Variants in GAS2 observed in about 807,000 individuals in gnomAD.
The protein encoded by GAS2 is growth arrest-specific protein 2.
A neutral mutation model predicts 37.5 loss-of-function variants in GAS2; 20 were observed. The ratio of observed to expected loss-of-function variants is 0.53; its 90% CI spans 0.37 to 0.77. The LOEUF (loss-of-function observed/expected upper bound fraction) is 0.77. Ranked by LOEUF, GAS2 falls within the 30% of genes least tolerant of loss-of-function variation. The pLI is 0.00. For missense variants in GAS2, 336 were observed against 373.4 expected, an observed-to-expected ratio of 0.90 and a Z score of 0.82; for synonymous variants, 144 against 132.2, an observed-to-expected ratio of 1.09 and a Z score of -0.61.
intron 7 of GAS2, among the ~76,000 whole-genome samples, chr11:22,775,692 G>A (rs10734322): frequency 0.94 from 142,372 of 152,098 alleles, 67,218 homozygotes; most frequent in East Asian, 1. Flanking sequence ...AAAAACCTCC[G>A]GGTAATATCA....
At chr11:22,752,867 T>C (rs918346945) in intron 6 of GAS2, among the ~76,000 whole-genome samples, 25 of 152,086 alleles carry the variant, frequency 1.6e-4, no homozygotes, top group African/African-American at 5.6e-4. Context: ...TGACCCTTTA[T>C]GTGGAAAATA....
At chr11:22,670,659 G>A (rs1289782520) in intron 1 of GAS2, among the ~76,000 whole-genome samples, 1 of 152,002 alleles carries the variant, frequency 6.6e-6, no homozygotes, top group Non-Finnish European at 1.5e-5. Context: ...CCAAGCATTG[G>A]CACAAATATT....
At chr11:22,718,915 A>G (rs1373012626) in intron 3 of GAS2, among the ~76,000 whole-genome samples, 1 of 152,086 alleles carries the variant, frequency 6.6e-6, no homozygotes, top group Non-Finnish European at 1.5e-5. Flanking sequence ...CACAGTATAT[A>G]AAAATGGAAG....
intron 1 of GAS2, among the ~76,000 whole-genome samples, chr11:22,660,134 C>G (rs763669643): frequency 6.6e-6 from 1 of 151,926 alleles, no homozygotes; most frequent in Non-Finnish European, 1.5e-5. Context: ...AATGAGCTCC[C>G]GGAAAGCAGG....
intron 7 of GAS2, among the ~76,000 whole-genome samples, chr11:22,785,783 A>G (rs1414575686): frequency 2.6e-5 from 4 of 152,150 alleles, no homozygotes; most frequent in East Asian, 1.9e-4. Flanking sequence ...CTTCAGGATT[A>G]TAAGTCTATA....
rs189258170 is a variant in GAS2, at chr11:22,672,908, C to T, written c.-20-1942C>T. 1.2e-4 allele frequency among the ~76,000 whole-genome samples: 18 copies of T among 151,814 alleles called. No individual in the cohort carries two copies. The East Asian group carries it at 2.7e-3, about 23-fold the overall frequency. On this transcript the variant is annotated intron_variant, in intron 1 of 7. Transcript: ENST00000454584. Reference sequence around the variant, plus strand: ...CTTTAGGACTTTATATGGATAACATCATTATTAACTATGAAATAATAAAAA... The same window carrying T: ...CTTTAGGACTTTATATGGATAACATTATTATTAACTATGAAATAATAAAAA...
At position 22,726,351 on chromosome 11, in the gene GAS2, C is replaced by T. The variant is rs771841925; in HGVS notation, c.327C>T (p.Ala109=). Residue 109 remains alanine, a synonymous_variant, in exon 4 of 8, where the codon GCC becomes GCT. Coordinates refer to ENST00000454584, the MANE Select transcript of GAS2 (RefSeq NM_001143830.3). The stretch of plus-strand genomic sequence containing the variant: ...GTGCACCCTCGGGCTCCTTTTTTGC[C>T]AGAGACAATACAGCAAATTTCTTAT... ...KTSAPSGSFF[A]RDNTANFLSW... is the part of the protein sequence containing the mutation. 6.8e-6 allele frequency: 11 copies of T among 1,611,558 alleles called. No homozygotes were observed. The South Asian group carries it at 8.8e-5, about 13-fold the overall frequency.
intron 1 of GAS2, among the ~76,000 whole-genome samples, chr11:22,671,090 A>G (rs1000306836): frequency 2.6e-5 from 4 of 152,102 alleles, no homozygotes; most frequent in Admixed American, 6.5e-5. Flanking sequence ...CAAACTAGAC[A>G]GAGTCTTTAA....
At chr11:22,720,625 T>G (rs1851901648) in intron 3 of GAS2, among the ~76,000 whole-genome samples, 1 of 151,970 alleles carries the variant, frequency 6.6e-6, no homozygotes, top group African/African-American at 2.4e-5. Flanking sequence ...AGTGAGTTTA[T>G]TGCCTGCCTA....
At chr11:22,651,339 A>G (rs1848773216) in intron 1 of GAS2, among the ~76,000 whole-genome samples, 2 of 152,150 alleles carry the variant, frequency 1.3e-5, no homozygotes, top group African/African-American at 2.4e-5. Context: ...TTTCGCTCAG[A>G]CTGCCCTTAA....
chr11:22,735,636 G>T (rs554508077), intron 4 of GAS2, among the ~76,000 whole-genome samples: 4 of 151,786 alleles, frequency 2.6e-5, no homozygotes, highest in Non-Finnish European at 4.4e-5. Context: ...ATGTGAAATT[G>T]TCTTTCTTAC....
intron 3 of GAS2, among the ~76,000 whole-genome samples, chr11:22,706,102 C>A (rs1052566008): frequency 6.6e-5 from 10 of 152,122 alleles, no homozygotes; most frequent in Non-Finnish European, 1.5e-4. Context: ...TGGATGCTGG[C>A]ATTTATCTTA....
At chr11:22,792,385 G>A (rs1856209102) in intron 7 of GAS2, among the ~76,000 whole-genome samples, 2 of 152,100 alleles carry the variant, frequency 1.3e-5, no homozygotes, top group South Asian at 4.1e-4. Context: ...ACACACATAT[G>A]AAAGACTTTA....
intron 7 of GAS2, among the ~76,000 whole-genome samples, chr11:22,803,754 ATT>A (rs2134658071): frequency 6.6e-6 from 1 of 152,282 alleles, no homozygotes; most frequent in Admixed American, 6.5e-5. Flanking sequence ...CATATATGAG[ATT>A]CCAAAAATGA....
chr11:22,667,163 C>T (rs1849016223), intron 1 of GAS2: 2 of 152,274 alleles, frequency 1.3e-5, no homozygotes, highest in Non-Finnish European at 2.9e-5. Flanking sequence ...TTCCTTATCC[C>T]TATTGCGGAA....
At chr11:22,803,581 C>A (rs1318488630) in intron 7 of GAS2, among the ~76,000 whole-genome samples, 7 of 152,042 alleles carry the variant, frequency 4.6e-5, no homozygotes, top group Non-Finnish European at 1.5e-5. Context: ...GTTGTGTGAT[C>A]CTGCCTAAGT....
rs544463590 is a variant in GAS2, at chr11:22,714,346, A to G, written c.268-11946A>G. On this transcript the variant is annotated intron_variant, in intron 3 of 7. Transcript: ENST00000454584. ...ATATCACAATTCTAAATACATATGCACCTAACATGGGAGCTCCCAAATTTA... is the reference window on the plus strand; with the variant it reads ...ATATCACAATTCTAAATACATATGCGCCTAACATGGGAGCTCCCAAATTTA... 3.3e-5 allele frequency among the ~76,000 whole-genome samples: 5 copies of G among 152,296 alleles called. No homozygotes were observed. In the South Asian group the frequency reaches 1.0e-3, roughly 32 times the overall value.
chr11:22,709,712 G>A (rs972049582), intron 3 of GAS2, among the ~76,000 whole-genome samples: 1 of 152,120 alleles, frequency 6.6e-6, no homozygotes, highest in African/African-American at 2.4e-5. Flanking sequence ...ACATGCACAC[G>A]TATGTTTATC....
At chr11:22,689,946 A>C (rs760132133) in intron 3 of GAS2, among the ~76,000 whole-genome samples, 1 of 152,198 alleles carries the variant, frequency 6.6e-6, no homozygotes, top group Non-Finnish European at 1.5e-5. Flanking sequence ...AATTAATGAA[A>C]CTGTGCATAG....
Sources: allele counts gnomAD v4.1 joint callset (sites outside exome capture counted in the v4.1 genomes callset), GRCh38; gene constraint gnomAD v4.1.1; transcripts MANE v1.5; gene names NCBI Gene and HGNC (gene_info 2026-07-23, HGNC 2026-07-21).